Variants in ABCA3 observed in about 807,000 individuals in gnomAD.
ABCA3 encodes phospholipid-transporting ATPase ABCA3.
In ABCA3, 88 loss-of-function variants were observed where a neutral mutation model predicts 172.8. The observed-to-expected ratio is 0.51, with a 90% CI of 0.43 to 0.61. ABCA3 has a LOEUF of 0.61. Among genes scored for constraint, ABCA3 ranks in the 20% least tolerant of loss-of-function variants. The pLI, the probability that ABCA3 is intolerant of heterozygous loss-of-function variation, is 0.00. For synonymous variants in ABCA3, 1,066 were observed against 983.8 expected (o/e 1.08, Z -1.56); for missense variants, 2,164 against 2,301.0 (o/e 0.94, Z 1.22).
In ABCA3 at chr16:2,324,425, G is replaced by T; in HGVS notation, c.426C>A (p.Ser142Arg). ...TCACCGCCAGCGGCAGGGGCTCCTTGCTGTGGTTGAAGGGGTGCTCGAAGA... is the reference window on the plus strand; with the variant it reads ...TCACCGCCAGCGGCAGGGGCTCCTTTCTGTGGTTGAAGGGGTGCTCGAAGA... ...AVVFEHPFNH[S>R]KEPLPLAVKY... The change falls in exon 6 of 33, where the codon AGC becomes AGA. Residue 142 changes from serine (S) to arginine (R), a missense_variant. Transcript: ENST00000301732. 6.2e-7 allele frequency: 1 copy of T among 1,603,082 alleles called. No individual in the cohort carries two copies.
chr16:2,281,161 C>G lies in ABCA3; in HGVS notation c.4225G>C (p.Gly1409Arg). The G allele has an allele frequency of 1.2e-6, 2 of 1,613,824 alleles. No individual in the cohort carries two copies. Among genetic ancestry groups the G allele is most frequent in the Non-Finnish European group, 1.7e-6 (2 of 1,180,038 alleles). ...VDRLSLAVQK[G>R]ECFGLLGFNG... ...AAGCCCAGCAGGCCGAAGCACTCCC[C>G]TTTCTGCACCGCGAGGGAGAGCCTG... The change falls in exon 28 of 33, where the codon GGG becomes CGG. Residue 1409 changes from glycine (G) to arginine (R), a missense_variant. Gly to Arg is a moderately radical substitution (Grantham distance 125, BLOSUM62 -2). This residue lies in a region of ABCA3 where 795 missense variants were observed against 881.9 expected (regional missense o/e 0.90). Transcript: ENST00000301732. The surrounding 1 kb of genome is among the most constrained non-coding windows in gnomAD (Gnocchi z 4.7).
At chr16:2,303,469 A>C (rs1189903207) in intron 12 of ABCA3, among the ~76,000 whole-genome samples, 1 of 150,540 alleles carries the variant, frequency 6.6e-6, no homozygotes, top group African/African-American at 2.4e-5. Flanking sequence ...ATGGGATTTC[A>C]CCTTGTTAGC....
At chr16:2,325,704 C>T (rs574169670) in intron 5 of ABCA3, among the ~76,000 whole-genome samples, 1 of 152,322 alleles carries the variant, frequency 6.6e-6, no homozygotes, top group African/African-American at 2.4e-5. Context: ...CAACTGCAGG[C>T]AGGTGCATTT....
chr16:2,332,233 C>CTT, intron 1 of ABCA3: 62 of 364,668 alleles, frequency 1.7e-4, no homozygotes, highest in South Asian at 2.2e-4. Flanking sequence ...TCCTCCATTT[C>CTT]TTTTTTTTTT....
At chr16:2,325,423 A>G (rs2141739770) in intron 5 of ABCA3, among the ~76,000 whole-genome samples, 1 of 152,228 alleles carries the variant, frequency 6.6e-6, no homozygotes, top group East Asian at 1.9e-4. Context: ...CCCATTGTAC[A>G]ATCAGGCATG....
At chr16:2,276,828 T>C (rs1366257792) in intron 32 of ABCA3, 23 bp from the exon 33 acceptor site, 2 of 1,613,340 alleles carry the variant, frequency 1.2e-6, no homozygotes, top group Admixed American at 3.3e-5. Context: ...GAAAAGTCAC[T>C]GGTAGGAGAG....
At position 2,276,601 on chromosome 16, in the gene ABCA3, GGA is replaced by G; in HGVS notation, c.*71_*72del. The G allele has an allele frequency of 7.5e-6, 12 of 1,591,880 alleles. No individual in the cohort carries two copies. The highest frequency in any genetic ancestry group is 1.1e-5 in the South Asian group (1 of 90,272). ...TAAAAATAAAGGATGAGATAAACTT[GGA>G]GAGAGAGGATGTAAGATGGGCCCTG... On this transcript the variant is annotated 3_prime_UTR_variant, in exon 33 of 33. Transcript: ENST00000301732.
At position 2,286,929 on chromosome 16, in the gene ABCA3, C is replaced by G; in HGVS notation, c.3043G>C (p.Glu1015Gln). The change falls in exon 22 of 33, where the codon GAG becomes CAG. Residue 1015 changes from glutamate (E) to glutamine (Q), a missense_variant. Coordinates refer to ENST00000301732, the MANE Select transcript of ABCA3 (RefSeq NM_001089.3). The surrounding 1 kb of genome is among the most constrained non-coding windows in gnomAD (Gnocchi z 5.2). Reference sequence around the variant, plus strand: ...CACCGCTCATTAAAGCCGCCCCCCTCCACAGAAGCCCTGAAGATCAAGAAC... The same window carrying G: ...CACCGCTCATTAAAGCCGCCCCCCTGCACAGAAGCCCTGAAGATCAAGAAC... ...EEFLIFRASV[E>Q]GGGFNERCLV... 1 of 1,613,872 alleles carries G rather than the reference C, an allele frequency of 6.2e-7. No homozygotes were observed. Among genetic ancestry groups the G allele is most frequent in the East Asian group, 2.2e-5 (1 of 44,878 alleles).
intron 5 of ABCA3, 63 bp downstream of exon 5, chr16:2,325,947 C>G: frequency 6.2e-7 from 1 of 1,605,942 alleles, no homozygotes; most frequent in Non-Finnish European, 8.5e-7. Flanking sequence ...GGCTCGACCC[C>G]TGCCTGCCCA....
Position 2,279,058 on chromosome 16 carries a change from C to T in ABCA3, c.4432G>A (p.Val1478Ile). ...ATGCCCCGGAGCCGAGCGTACATGA[C>T]CAGCATCTCCCGGCCTGTCATGTGG... Reference protein sequence around the residue: ...LDHMTGREMLVMYARLRGIPE... With the variant: ...LDHMTGREMLIMYARLRGIPE... The change falls in exon 29 of 33, where the codon GTC (valine) becomes ATC (isoleucine). Residue 1478 changes from valine to isoleucine, a missense_variant. By Grantham distance (29) the Val-to-Ile change is conservative (BLOSUM62 3). Transcript: ENST00000301732. This position sits in a 1 kb window ranked among gnomAD's most constrained non-coding sequence, Gnocchi z 4.4. 6.2e-7 allele frequency: 1 copy of T among 1,613,322 alleles called. No individual in the cohort carries two copies. The highest frequency in any genetic ancestry group is 8.5e-7 in the Non-Finnish European group (1 of 1,180,030).
At chr16:2,317,429 C>A in intron 9 of ABCA3, 26 bp from the exon 10 acceptor site, 2 of 1,612,344 alleles carry the variant, frequency 1.2e-6, no homozygotes, top group Non-Finnish European at 1.7e-6. Context: ...ATGAGTCGGG[C>A]GTGGTGGGCC....
chr16:2,299,540 A>G lies in ABCA3; in HGVS notation c.1612-8T>C, dbSNP rs1179970915. 1 of 1,612,830 alleles carries G rather than the reference A, an allele frequency of 6.2e-7. No individual in the cohort carries two copies. The highest frequency in any genetic ancestry group is 8.5e-7 in the Non-Finnish European group (1 of 1,179,990). On this transcript the variant is annotated splice_polypyrimidine_tract_variant and splice_region_variant and intron_variant, in intron 13 of 32. Coordinates refer to ENST00000301732, the MANE Select transcript of ABCA3 (RefSeq NM_001089.3). ...ATTTCCCACCCTGAACACCTGCAGGAAAGGCAGAGGCTGCCCTGGGCTACC... is the reference window on the plus strand; with the variant it reads ...ATTTCCCACCCTGAACACCTGCAGGGAAGGCAGAGGCTGCCCTGGGCTACC...
chr16:2,335,294 C>A (rs546912097), intron 1 of ABCA3, among the ~76,000 whole-genome samples: 2 of 152,114 alleles, frequency 1.3e-5, no homozygotes, highest in East Asian at 3.9e-4. Context: ...AAAAAAATGG[C>A]TTCACTGATT....
At chr16:2,289,359 T>C in intron 20 of ABCA3, 75 bp downstream of exon 20, 1 of 1,522,474 alleles carries the variant, frequency 6.6e-7, no homozygotes, top group Non-Finnish European at 8.8e-7. Flanking sequence ...GACTCTCCTC[T>C]GCATGGGCTT....
chr16:2,334,515 A>ATTT (rs35067281), intron 1 of ABCA3, among the ~76,000 whole-genome samples: 3 of 140,620 alleles, frequency 2.1e-5, no homozygotes, highest in Admixed American at 7.1e-5. Context: ...AACACCAGTA[A>ATTT]TTTTTTTTTT....
chr16:2,285,368 G>A lies in ABCA3; in HGVS notation c.3483+74C>T. Reference sequence around the variant, plus strand: ...CCTAGGGGCTGCCCAGCTGGTTCCGGTTCTGCACAGGGGTCCCAGGGCAAG... The same window carrying A: ...CCTAGGGGCTGCCCAGCTGGTTCCGATTCTGCACAGGGGTCCCAGGGCAAG... On this transcript the variant is annotated intron_variant, in intron 23 of 32. Coordinates refer to ENST00000301732, the MANE Select transcript of ABCA3 (RefSeq NM_001089.3). The surrounding 1 kb of genome is among the most constrained non-coding windows in gnomAD (Gnocchi z 4.7). 3.3e-6 allele frequency: 5 copies of A among 1,530,840 alleles called. No homozygotes were observed. Among genetic ancestry groups the A allele is most frequent in the Non-Finnish European group, 4.4e-6 (5 of 1,132,380 alleles). 94.8% of individuals were successfully genotyped at this position (1,530,840 alleles called of 1,614,324 possible).
intron 10 of ABCA3, among the ~76,000 whole-genome samples, chr16:2,311,532 T>A (rs2093706711): frequency 1.3e-5 from 2 of 152,168 alleles, no homozygotes; most frequent in South Asian, 2.1e-4. Flanking sequence ...ATTTTTTTTT[T>A]AATTTTTGGA....
intron 5 of ABCA3, 115 bp downstream of exon 5, chr16:2,325,895 T>C (rs371612606): frequency 6.9e-7 from 1 of 1,459,470 alleles, no homozygotes; most frequent in East Asian, 2.3e-5. Flanking sequence ...AGGCCAAGTC[T>C]GCACAGGGTG....
chr16:2,337,078 ATT>A (rs879431925), intron 1 of ABCA3, among the ~76,000 whole-genome samples: 20 of 130,038 alleles, frequency 1.5e-4, no homozygotes, highest in Non-Finnish European at 1.0e-4. Context: ...ATACCTGGCT[ATT>A]TTTTTTTTTT....
Sources: gnomAD v4.1 joint callset for allele counts (sites outside exome capture counted in the v4.1 genomes callset) on GRCh38, gnomAD v4.1.1 for gene constraint, gnomAD v4.1.1 regional missense constraint, Gnocchi (gnomAD v3.1) non-coding constraint, MANE v1.5 for transcripts, NCBI Gene and HGNC (gene_info 2026-07-23, HGNC 2026-07-21) for gene names.